Variants in MTHFD1 observed in about 807,000 individuals in gnomAD.
MTHFD1 encodes methylenetetrahydrofolate dehydrogenase, cyclohydrolase and formyltetrahydrofolate synthetase 1.
A neutral mutation model predicts 110.3 loss-of-function variants in MTHFD1; 44 were observed. The ratio of observed to expected loss-of-function variants is 0.40; its 90% CI spans 0.31 to 0.51. The LOEUF (loss-of-function observed/expected upper bound fraction) is 0.51. Among genes scored for constraint, MTHFD1 ranks in the 20% least tolerant of loss-of-function variants. The pLI is 0.60. For missense variants in MTHFD1, 909 were observed against 1,173.1 expected (o/e 0.77, Z 3.29); for synonymous variants, 402 against 428.8 (o/e 0.94, Z 0.77).
At chr14:64,393,876 G>GT (rs1196367161) in intron 1 of MTHFD1, among the ~76,000 whole-genome samples, 1 of 152,158 alleles carries the variant, frequency 6.6e-6, no homozygotes, top group Non-Finnish European at 1.5e-5. Context: ...GTAGAGGTTG[G>GT]TAGAATAGAG....
At chr14:64,389,415 G>C (rs1481884568) in intron 1 of MTHFD1, among the ~76,000 whole-genome samples, 1 of 152,122 alleles carries the variant, frequency 6.6e-6, no homozygotes, top group Non-Finnish European at 1.5e-5. Context: ...CAAAGTCATC[G>C]GTGGTGAAAA....
At chr14:64,449,257 A>G in intron 23 of MTHFD1, 188 bp from the exon 24 acceptor site, 1 of 661,526 alleles carries the variant, frequency 1.5e-6, no homozygotes, top group East Asian at 2.7e-5. Context: ...GAGGCACATA[A>G]AGATTAGGTA....
intron 2 of MTHFD1, among the ~76,000 whole-genome samples, chr14:64,403,353 CA>C (rs1325987151): frequency 6.6e-6 from 1 of 151,746 alleles, no homozygotes; most frequent in Non-Finnish European, 1.5e-5. Context: ...CAGCTCACTG[CA>C]ACCTTTGCCT....
chr14:64,442,294 A>C lies in MTHFD1; in HGVS notation c.2028A>C (p.Gly676=), dbSNP rs755313657. The C allele has an allele frequency of 5.6e-6, 9 of 1,614,088 alleles. No homozygotes were observed. The Admixed American group carries it at 1.5e-4, about 27-fold the overall frequency. Residue 676 remains glycine (G), a synonymous_variant, in exon 21 of 28, where the codon GGA becomes GGC. Coordinates refer to ENST00000652337, the MANE Select transcript of MTHFD1 (RefSeq NM_005956.4). ...VTEAGFGADI[G]MEKFFNIKCR... is the part of the protein sequence containing the mutation. The stretch of plus-strand genomic sequence containing the variant: ...AAGCAGGATTTGGAGCAGACATTGG[A>C]ATGGAAAAGTTTTTTAACATCAAAT...
chr14:64,405,239 G>T (rs2077927535), intron 2 of MTHFD1, among the ~76,000 whole-genome samples: 1 of 152,154 alleles, frequency 6.6e-6, no homozygotes, highest in Non-Finnish European at 1.5e-5. Context: ...TAGGCAAGAA[G>T]TATACCCTTT....
chr14:64,437,535 T>C (rs2078215606), intron 16 of MTHFD1, among the ~76,000 whole-genome samples: 1 of 152,218 alleles, frequency 6.6e-6, no homozygotes, highest in African/African-American at 2.4e-5. Context: ...GAGTATCCTA[T>C]GATTTAACTC....
intron 8 of MTHFD1, among the ~76,000 whole-genome samples, chr14:64,423,888 A>C (rs564882951): frequency 2.0e-4 from 30 of 151,438 alleles, no homozygotes; most frequent in Non-Finnish European, 3.8e-4. Flanking sequence ...CACCATGCCC[A>C]GCTAATTTTT....
intron 16 of MTHFD1, among the ~76,000 whole-genome samples, chr14:64,435,881 T>C (rs563272103): frequency 9.8e-5 from 15 of 152,364 alleles, no homozygotes; most frequent in Non-Finnish European, 1.8e-4. Context: ...TTTGTTGGAT[T>C]GGTCGAACAT....
chr14:64,399,038 A>T (rs1381642256), intron 1 of MTHFD1, among the ~76,000 whole-genome samples: 1 of 152,212 alleles, frequency 6.6e-6, no homozygotes, highest in Non-Finnish European at 1.5e-5. Context: ...TTGTAAAGAA[A>T]ATTCTTTTGT....
intron 27 of MTHFD1, 26 bp from the exon 28 acceptor site, chr14:64,459,733 C>A (rs979319675): frequency 8.6e-6 from 13 of 1,520,332 alleles, no homozygotes; most frequent in Admixed American, 8.1e-5. Context: ...TTAGAGAAAA[C>A]ATTTATTTCT....
intron 1 of MTHFD1, among the ~76,000 whole-genome samples, chr14:64,389,665 G>T (rs973053860): frequency 6.6e-6 from 1 of 151,366 alleles, no homozygotes; most frequent in Non-Finnish European, 1.5e-5. Context: ...GCTGAGATGC[G>T]CCATTGCACT....
chr14:64,441,835 C>A (rs2140975576), intron 19 of MTHFD1: 2 of 620,424 alleles, frequency 3.2e-6, no homozygotes, highest in East Asian at 5.6e-5. Flanking sequence ...GCACACTTAA[C>A]CTGGGTAGTC....
chr14:64,415,794 G>C, intron 6 of MTHFD1, 55 bp downstream of exon 6: 1 of 1,553,902 alleles, frequency 6.4e-7, no homozygotes, highest in Admixed American at 1.7e-5. Context: ...TCCTGGTCTT[G>C]ACATGTGGTG....
intron 26 of MTHFD1, chr14:64,457,958 A>G: frequency 1.7e-6 from 1 of 573,526 alleles, no homozygotes. Context: ...TCGGATGATC[A>G]TGGCTCACTG....
chr14:64,402,067 G>GAC (rs1252221715), intron 2 of MTHFD1, among the ~76,000 whole-genome samples: 2 of 152,102 alleles, frequency 1.3e-5, no homozygotes, highest in Non-Finnish European at 2.9e-5. Flanking sequence ...GTTGTACCAG[G>GAC]ACTCAGTAAG....
intron 12 of MTHFD1, 25 bp from the exon 13 acceptor site, chr14:64,430,159 C>T (rs371041572): frequency 1.2e-5 from 20 of 1,612,238 alleles, no homozygotes; most frequent in Non-Finnish European, 1.6e-5. Flanking sequence ...CTTAACTGAG[C>T]TTCCACCCTT....
At chr14:64,412,564 A>G (rs1414841087) in intron 4 of MTHFD1, 39 bp downstream of exon 4, 1 of 1,528,368 alleles carries the variant, frequency 6.5e-7, no homozygotes, top group East Asian at 2.2e-5. Flanking sequence ...GGGAAGGTGA[A>G]GTGGTTTCCT....
chr14:64,403,305 C>T (rs1197592014), intron 2 of MTHFD1, among the ~76,000 whole-genome samples: 2 of 150,332 alleles, frequency 1.3e-5, no homozygotes, highest in African/African-American at 4.9e-5. Context: ...AACAGAATCT[C>T]GCTCTATCCC....
chr14:64,400,012 C>A (rs2077884251), intron 1 of MTHFD1, among the ~76,000 whole-genome samples: 1 of 152,180 alleles, frequency 6.6e-6, no homozygotes, highest in South Asian at 2.1e-4. Context: ...TGTTCTAAAG[C>A]AATCCTCTTG....
Sources: allele counts gnomAD v4.1 joint callset (sites outside exome capture counted in the v4.1 genomes callset), GRCh38; gene constraint gnomAD v4.1.1; transcripts MANE v1.5; gene names NCBI Gene and HGNC (gene_info 2026-07-23, HGNC 2026-07-21).